PROM1: variants seen among roughly 807,000 people sequenced by gnomAD.
PROM1 encodes the protein prominin-1.
In PROM1, 105 loss-of-function variants were observed where a neutral mutation model predicts 116.9. The ratio of observed to expected loss-of-function variants is 0.90; its 90% CI spans 0.77 to 1.06. PROM1 has a LOEUF of 1.06. Ranked by LOEUF, PROM1 falls within the 50% of genes least tolerant of loss-of-function variation. The pLI is 0.00. For synonymous variants in PROM1, 393 were observed against 387.0 expected (o/e 1.02, Z -0.18); for missense variants, 1,122 against 1,045.2 (o/e 1.07, Z -1.01).
At chr4:15,975,505 C>T (rs1017705589) in intron 26 of PROM1, among the ~76,000 whole-genome samples, 11 of 152,358 alleles carry the variant, frequency 7.2e-5, no homozygotes, top group African/African-American at 2.6e-4. Context: ...AGGCGTGAGC[C>T]ACCACACCCA....
intron 5 of PROM1, 74 bp downstream of exon 5, chr4:16,033,230 G>T: frequency 7.5e-7 from 1 of 1,337,408 alleles, no homozygotes; most frequent in Non-Finnish European, 1.0e-6. Flanking sequence ...TAAACTCATG[G>T]TTTAACCATA....
At chr4:15,987,899 T>C (rs1476550555) in intron 19 of PROM1, among the ~76,000 whole-genome samples, 183 bp from the exon 20 acceptor site, 3 of 133,336 alleles carry the variant, frequency 2.2e-5, no homozygotes, top group African/African-American at 2.9e-5. Context: ...TTTTTTGAGA[T>C]GGAGTCTCGC....
At chr4:16,010,396 A>T (rs2149258424) in intron 11 of PROM1, among the ~76,000 whole-genome samples, 1 of 152,372 alleles carries the variant, frequency 6.6e-6, no homozygotes, top group Non-Finnish European at 1.5e-5. Context: ...CAGCAGAGAG[A>T]CAAGATTAGC....
intron 26 of PROM1, among the ~76,000 whole-genome samples, chr4:15,975,646 C>A (rs974201228): frequency 2.6e-5 from 4 of 152,302 alleles, no homozygotes; most frequent in African/African-American, 9.6e-5. Flanking sequence ...CCTGGGACCT[C>A]TAGGAGGGTC....
In PROM1 at chr4:16,076,129, G is replaced by C. The variant is rs533727988; in HGVS notation, c.-212-11C>G. On this transcript the variant is annotated splice_polypyrimidine_tract_variant and intron_variant, in intron 1 of 27. Coordinates refer to ENST00000447510, the MANE Select transcript of PROM1 (RefSeq NM_006017.3). Reference sequence around the variant, plus strand: ...CTCAAGGCACCATCCCTGGCAGGGAGAGAAACAGCAGCAGAGTCATCAATG... The same window carrying C: ...CTCAAGGCACCATCCCTGGCAGGGACAGAAACAGCAGCAGAGTCATCAATG... The C allele has an allele frequency of 3.2e-5, 28 of 886,566 alleles. 1 individual carries two copies. The South Asian group carries it at 5.4e-4, about 17-fold the overall frequency. The allele number at this position is 886,566 out of a possible 1,614,324, so 54.9% of individuals were successfully genotyped here. A position where few individuals can be genotyped will look rare whatever the true frequency, so the allele number is the denominator to read the frequency against.
intron 1 of PROM1, chr4:16,082,665 G>C (rs1745260283): frequency 6.6e-6 from 1 of 152,210 alleles, no homozygotes; most frequent in Admixed American, 6.5e-5. Flanking sequence ...AGCCGCGCAG[G>C]GGAGGGGGTT....
chr4:15,970,969 A>G, intron 27 of PROM1, 74 bp downstream of exon 27: 6 of 1,152,244 alleles, frequency 5.2e-6, no homozygotes, highest in Non-Finnish European at 7.6e-6. Flanking sequence ...TATTAGGAAT[A>G]GCTATGTTTT....
chr4:16,058,326 A>T lies in PROM1; in HGVS notation c.220+17361T>A, dbSNP rs145557774. 3.3e-5 allele frequency among the ~76,000 whole-genome samples: 5 copies of T among 152,362 alleles called. No homozygotes were observed. The East Asian group carries it at 9.6e-4, about 29-fold the overall frequency. On this transcript the variant is annotated intron_variant, in intron 2 of 27. Transcript: ENST00000447510. ...TAAAAAATCACTGCTTTTCAAAAAG[A>T]TAAAATTCATTCAATATTATTAGCC... is the stretch of plus-strand genomic sequence containing the variant.
intron 5 of PROM1, 80 bp from the exon 6 acceptor site, chr4:16,025,392 G>C: frequency 6.5e-7 from 1 of 1,543,268 alleles, no homozygotes; most frequent in East Asian, 2.3e-5. Context: ...CAGCAGAGCA[G>C]GAGTCAGGGA....
Position 16,038,957 on chromosome 4 carries a change from C to A in PROM1, c.265G>T (p.Asp89Tyr). 2 of 1,489,140 alleles carry A rather than the reference C, an allele frequency of 1.3e-6. No individual in the cohort carries two copies. The highest frequency in any genetic ancestry group is 2.9e-5 in the South Asian group (2 of 70,130). 92.2% of individuals were successfully genotyped at this position (1,489,140 alleles called of 1,614,324 possible). The change falls in exon 3 of 28, where the codon GAT becomes TAT. Residue 89 changes from aspartate (D) to tyrosine (Y), a missense_variant. Asp to Tyr is a radical substitution (Grantham distance 160). Coordinates refer to ENST00000447510, the MANE Select transcript of PROM1 (RefSeq NM_006017.3). ...CAATGAAAAATTACCTTGTCATAAT[C>A]AATTTTGGATTCATATGCCTTCTGT... ...FLQKAYESKIDYDKPETVILG... is the reference protein window; with the variant it reads ...FLQKAYESKIYYDKPETVILG...
intron 10 of PROM1, among the ~76,000 whole-genome samples, chr4:16,013,945 C>T (rs969902537): frequency 3.6e-5 from 2 of 55,268 alleles, no homozygotes; most frequent in Non-Finnish European, 6.7e-5. Context: ...ATAGTCTAAA[C>T]GAAAAAAAAA....
intron 26 of PROM1, 200 bp from the exon 27 acceptor site, chr4:15,971,282 T>A (rs11735976): frequency 1.8e-6 from 1 of 548,812 alleles, no homozygotes; most frequent in Non-Finnish European, 3.3e-6. Context: ...AAAAACAGCA[T>A]AGAAGATAAA....
chr4:15,979,663 T>C (rs920345392), intron 25 of PROM1, among the ~76,000 whole-genome samples, 200 bp from the exon 26 acceptor site: 2 of 152,238 alleles, frequency 1.3e-5, no homozygotes, highest in Admixed American at 6.5e-5. Flanking sequence ...ATTAATAAAC[T>C]TAACATATAA....
At chr4:16,035,154 T>C (rs1277119728) in intron 4 of PROM1, among the ~76,000 whole-genome samples, 2 of 152,208 alleles carry the variant, frequency 1.3e-5, no homozygotes, top group Non-Finnish European at 2.9e-5. Context: ...AGAGGCATTA[T>C]TAGGGGACTT....
chr4:15,981,414 G>A (rs1717913436), intron 23 of PROM1, among the ~76,000 whole-genome samples: 1 of 151,460 alleles, frequency 6.6e-6, no homozygotes, highest in African/African-American at 2.4e-5. Context: ...ACTAAAAATA[G>A]ACAAAAAATT....
intron 6 of PROM1, among the ~76,000 whole-genome samples, chr4:16,024,713 A>ATGTG (rs896154929): frequency 6.0e-5 from 9 of 150,994 alleles, no homozygotes; most frequent in Non-Finnish European, 1.3e-4. Flanking sequence ...GTGTGTGTGT[A>ATGTG]TGTGTGTGTG....
intron 23 of PROM1, among the ~76,000 whole-genome samples, chr4:15,983,711 G>C (rs1718558410): frequency 6.6e-6 from 1 of 152,202 alleles, no homozygotes; most frequent in Non-Finnish European, 1.5e-5. Context: ...GCTCAGCCAT[G>C]CAGAGCCTAG....
chr4:15,973,640 C>G (rs538419259), intron 26 of PROM1, among the ~76,000 whole-genome samples: 7 of 152,202 alleles, frequency 4.6e-5, no homozygotes, highest in Non-Finnish European at 1.0e-4. Context: ...GATAGAGTTT[C>G]TAGCAACACT....
chr4:15,982,302 T>C (rs1389390496), intron 23 of PROM1, among the ~76,000 whole-genome samples: 1 of 152,160 alleles, frequency 6.6e-6, no homozygotes, highest in African/African-American at 2.4e-5. Context: ...CCTGGCTGAG[T>C]TCAGAATTAC....
Sources: allele counts gnomAD v4.1 joint callset (sites outside exome capture counted in the v4.1 genomes callset), GRCh38; gene constraint gnomAD v4.1.1; transcripts MANE v1.5; gene names NCBI Gene and HGNC (gene_info 2026-07-23, HGNC 2026-07-21).